The following RAPGEF4 variants were observed in gnomAD, a reference collection of about 807,000 sequenced individuals.
RAPGEF4 encodes the protein RAP guanine-nucleotide-exchange factor (GEF) 4.
In RAPGEF4, 66 loss-of-function variants were observed where a neutral mutation model predicts 147.9. The observed-to-expected ratio is 0.45, with a 90% CI of 0.37 to 0.55. RAPGEF4 has a LOEUF of 0.55. Ranked by LOEUF, RAPGEF4 falls within the 20% of genes least tolerant of loss-of-function variation. The pLI is 0.00. For synonymous variants in RAPGEF4, 419 were observed against 442.7 expected, an observed-to-expected ratio of 0.95 and a Z score of 0.67; for missense variants, 1,071 against 1,257.3, an observed-to-expected ratio of 0.85 and a Z score of 2.24.
At chr2:172,779,899 A>G (rs1489959810) in intron 1 of RAPGEF4, among the ~76,000 whole-genome samples, 3 of 152,194 alleles carry the variant, frequency 2.0e-5, no homozygotes, top group Non-Finnish European at 4.4e-5. Context: ...GCAAAAATTA[A>G]ATCTCCCTCT....
intron 2 of RAPGEF4, 122 bp downstream of exon 2, chr2:172,795,289 G>A: frequency 1.0e-6 from 1 of 984,514 alleles, no homozygotes; most frequent in Non-Finnish European, 1.5e-6. Flanking sequence ...TCAACCAAAA[G>A]TATTAAGGTG....
chr2:172,965,862 G>A (rs1162411945), intron 9 of RAPGEF4, among the ~76,000 whole-genome samples, 179 bp downstream of exon 9: 1 of 152,234 alleles, frequency 6.6e-6, no homozygotes, highest in African/African-American at 2.4e-5. Flanking sequence ...TGATTGCTAT[G>A]TTCCACCATT....
At chr2:172,935,743 GTCT>G (rs1224543960) in intron 6 of RAPGEF4, among the ~76,000 whole-genome samples, 1 of 152,166 alleles carries the variant, frequency 6.6e-6, no homozygotes, top group Non-Finnish European at 1.5e-5. Flanking sequence ...CTTTTGCACC[GTCT>G]TCTTAACATA....
At chr2:172,977,371 C>T (rs989864811) in intron 10 of RAPGEF4, among the ~76,000 whole-genome samples, 3 of 152,022 alleles carry the variant, frequency 2.0e-5, no homozygotes, top group East Asian at 3.9e-4. Context: ...TTTTAAAATG[C>T]GACTTTGTTC....
intron 6 of RAPGEF4, among the ~76,000 whole-genome samples, chr2:172,943,283 A>C (rs1687352757): frequency 6.6e-6 from 1 of 152,184 alleles, no homozygotes; most frequent in Admixed American, 6.5e-5. Context: ...ATAACTAGAA[A>C]AATGACATGA....
chr2:172,919,702 T>A (rs1357461141), intron 5 of RAPGEF4, among the ~76,000 whole-genome samples: 1 of 152,158 alleles, frequency 6.6e-6, no homozygotes, highest in Non-Finnish European at 1.5e-5. Flanking sequence ...TGACCTCAGG[T>A]TCTTTTTCTA....
chr2:172,862,427 C>T (rs1421457976), intron 4 of RAPGEF4, among the ~76,000 whole-genome samples: 1 of 152,166 alleles, frequency 6.6e-6, no homozygotes, highest in Non-Finnish European at 1.5e-5. Context: ...ACCTTCCATT[C>T]TCTGGTCCCA....
chr2:173,014,931 C>T (rs1245994781), intron 18 of RAPGEF4, among the ~76,000 whole-genome samples: 1 of 152,054 alleles, frequency 6.6e-6, no homozygotes. Flanking sequence ...AAGGATTTTT[C>T]TGTCAGTACA....
At chr2:172,776,088 T>C (rs777602983) in intron 1 of RAPGEF4, among the ~76,000 whole-genome samples, 2 of 152,222 alleles carry the variant, frequency 1.3e-5, no homozygotes, top group Non-Finnish European at 2.9e-5. Context: ...CACTTTGACA[T>C]GTCATCCTGA....
intron 1 of RAPGEF4, 133 bp downstream of exon 1, chr2:172,736,181 G>T: frequency 1.8e-6 from 1 of 556,966 alleles, no homozygotes; most frequent in Non-Finnish European, 2.7e-6. Flanking sequence ...GGGGGAAGGG[G>T]TTGAGGTCCT....
At chr2:172,983,462 T>C (rs1157804883) in intron 10 of RAPGEF4, 34 bp from the exon 11 acceptor site, 4 of 1,580,922 alleles carry the variant, frequency 2.5e-6, no homozygotes, top group Non-Finnish European at 3.4e-6. Flanking sequence ...GATGCCCTTT[T>C]TCCATATTCC....
intron 4 of RAPGEF4, among the ~76,000 whole-genome samples, chr2:172,836,332 A>G (rs922101539): frequency 6.6e-6 from 1 of 152,196 alleles, no homozygotes; most frequent in Non-Finnish European, 1.5e-5. Flanking sequence ...CAAATGCCTC[A>G]AAGACTCTGT....
chr2:172,846,014 C>A (rs114776310), intron 4 of RAPGEF4, among the ~76,000 whole-genome samples: 2,285 of 152,298 alleles, frequency 0.015, 60 homozygotes, highest in African/African-American at 0.053. Context: ...AACAACATAG[C>A]AAACCCTCCT....
rs1428502042 is a variant in RAPGEF4 at position 173,052,119 on chromosome 2, AAG to A, written c.*355_*356del. On this transcript the variant is annotated 3_prime_UTR_variant, in exon 31 of 31. Transcript: ENST00000397081. ...TAGCAAGCCCCTGACATTTTTTTCTAAGAGTGTTTATGGGATGAGATGTGCTA... is the reference window on the plus strand; with the variant it reads ...TAGCAAGCCCCTGACATTTTTTTCTAAGTGTTTATGGGATGAGATGTGCTA... 1 of 164,780 alleles carries A rather than the reference AAG, an allele frequency of 6.1e-6. No individual in the cohort carries two copies. Among genetic ancestry groups the A allele is most frequent in the African/African-American group, 2.4e-5 (1 of 41,896 alleles). The allele number at this position is 164,780 out of a possible 1,614,324, so 10.2% of individuals were successfully genotyped here.
chr2:173,014,543 C>A lies in RAPGEF4; in HGVS notation c.1738C>A (p.Leu580Met), dbSNP rs1476274723. ...CAACAATAAGAGGCGAGTCATCCGC[C>A]TGGTTCTACAGTGGGCTGCCATGTA... ...ALNNKRRVIR[L>M]VLQWAAMYGD... Residue 580 changes from leucine (L) to methionine (M), a missense_variant, in exon 18 of 31, where the codon CTG becomes ATG. Physicochemically the swap from Leu to Met is conservative, Grantham distance 15. Coordinates refer to ENST00000397081, the MANE Select transcript of RAPGEF4 (RefSeq NM_007023.4). 6 of 1,614,188 alleles carry A rather than the reference C, an allele frequency of 3.7e-6. No homozygotes were observed. Among genetic ancestry groups the A allele is most frequent in the Non-Finnish European group, 5.1e-6 (6 of 1,180,020 alleles).
intron 9 of RAPGEF4, among the ~76,000 whole-genome samples, chr2:172,966,443 G>A (rs1190711013): frequency 1.3e-5 from 2 of 152,150 alleles, no homozygotes; most frequent in Non-Finnish European, 1.5e-5. Flanking sequence ...CTTAGAGTCT[G>A]TATTTCCAAC....
At chr2:172,841,791 AACACACACAC>A (rs3064818) in intron 4 of RAPGEF4, among the ~76,000 whole-genome samples, 1 of 147,006 alleles carries the variant, frequency 6.8e-6, no homozygotes, top group Non-Finnish European at 1.5e-5. Flanking sequence ...TTGGCTGAAT[AACACACACAC>A]ACACACACAC....
chr2:172,849,751 G>A (rs187403394), intron 4 of RAPGEF4, among the ~76,000 whole-genome samples: 8 of 152,320 alleles, frequency 5.3e-5, no homozygotes, highest in Non-Finnish European at 7.3e-5. Flanking sequence ...GTGACTGTGC[G>A]CCCTTGGGCA....
chr2:172,864,847 G>A (rs2149790036), intron 4 of RAPGEF4, among the ~76,000 whole-genome samples: 1 of 152,358 alleles, frequency 6.6e-6, no homozygotes, highest in Non-Finnish European at 1.5e-5. Flanking sequence ...AGAGGTTGCA[G>A]TGAGCCTAGA....
Sources: gnomAD v4.1 joint callset for allele counts (sites outside exome capture counted in the v4.1 genomes callset) on GRCh38, gnomAD v4.1.1 for gene constraint, MANE v1.5 for transcripts, NCBI Gene and HGNC (gene_info 2026-07-23, HGNC 2026-07-21) for gene names.